Variants in PLEKHG1 observed in about 807,000 individuals in gnomAD.
PLEKHG1 encodes pleckstrin homology and RhoGEF domain containing G1.
PLEKHG1 carries 44 observed loss-of-function variants against 100.8 expected under a neutral mutation model. That is an observed-to-expected ratio of 0.44 (90% CI 0.34 to 0.56). The LOEUF is 0.56. PLEKHG1 is among the 20% of genes least tolerant of loss of function. The pLI is 0.01. For missense variants in PLEKHG1, 1,545 were observed against 1,720.9 expected, an observed-to-expected ratio of 0.90 and a Z score of 1.81; for synonymous variants, 640 against 662.5, an observed-to-expected ratio of 0.97 and a Z score of 0.52.
chr6:150,795,591 G>A (rs1340666122), intron 4 of PLEKHG1, among the ~76,000 whole-genome samples: 2 of 151,160 alleles, frequency 1.3e-5, no homozygotes, highest in South Asian at 2.1e-4. Context: ...GCATGGTGGC[G>A]CATTCCTGTA....
intron 3 of PLEKHG1, among the ~76,000 whole-genome samples, chr6:150,676,133 T>G (rs17080089): frequency 0.12 from 17,910 of 152,228 alleles, 1,260 homozygotes; most frequent in African/African-American, 0.19. Context: ...ATGCACATAT[T>G]TATTGATATG....
At chr6:150,763,645 T>C (rs1227463617) in intron 2 of PLEKHG1, among the ~76,000 whole-genome samples, 4 of 152,140 alleles carry the variant, frequency 2.6e-5, no homozygotes, top group Non-Finnish European at 4.4e-5. Context: ...GAGCTGGCCC[T>C]GGCTTGGTTT....
chr6:150,671,070 G>C (rs1425942684), intron 3 of PLEKHG1, among the ~76,000 whole-genome samples: 1 of 145,972 alleles, frequency 6.9e-6, no homozygotes, highest in African/African-American at 2.6e-5. Context: ...TCCTTTTTAT[G>C]GTTACATAGT....
chr6:150,679,258 G>A lies in PLEKHG1; in HGVS notation c.-99+28472G>A, dbSNP rs182931337. On this transcript the variant is annotated intron_variant, in intron 3 of 3. Transcript: ENST00000367326. The stretch of plus-strand genomic sequence containing the variant: ...ATAATAGCTTTTAATATAATTTAAC[G>A]TAAGTTGTAATCATATAATAAATAT... Among the ~76,000 whole-genome samples, 446 of 152,198 alleles carry A rather than the reference G, an allele frequency of 2.9e-3. 3 individuals carry two copies. Among genetic ancestry groups the A allele is most frequent in the Non-Finnish European group, 9.9e-4 (67 of 68,014 alleles).
intron 3 of PLEKHG1, among the ~76,000 whole-genome samples, chr6:150,655,346 G>T (rs527360674): frequency 3.9e-5 from 6 of 152,064 alleles, no homozygotes; most frequent in Admixed American, 3.9e-4. Flanking sequence ...TATTTATTGC[G>T]GCACTGCTCA....
chr6:150,747,562 C>T (rs772994456), intron 2 of PLEKHG1, among the ~76,000 whole-genome samples: 2 of 152,060 alleles, frequency 1.3e-5, no homozygotes, highest in Non-Finnish European at 2.9e-5. Context: ...TTTTTAAATC[C>T]GTTTTTTAAA....
chr6:150,826,917 G>A (rs551397083), intron 14 of PLEKHG1, among the ~76,000 whole-genome samples: 73 of 150,576 alleles, frequency 4.8e-4, no homozygotes, highest in Middle Eastern at 3.2e-3. Flanking sequence ...GGGATTACAG[G>A]TGTGTATCAC....
intron 15 of PLEKHG1, among the ~76,000 whole-genome samples, chr6:150,837,664 A>C (rs1351489476): frequency 6.6e-6 from 1 of 152,248 alleles, no homozygotes; most frequent in Admixed American, 6.5e-5. Flanking sequence ...GCTTGAGCAG[A>C]CCATCTGCCT....
chr6:150,772,653 C>G (rs1440445134), intron 3 of PLEKHG1, among the ~76,000 whole-genome samples: 2 of 152,216 alleles, frequency 1.3e-5, no homozygotes, highest in East Asian at 1.9e-4. Flanking sequence ...CTATTTCAAA[C>G]ATGGCATACA....
chr6:150,748,598 C>T (rs1404652265), intron 2 of PLEKHG1, among the ~76,000 whole-genome samples: 1 of 148,474 alleles, frequency 6.7e-6, no homozygotes, highest in Non-Finnish European at 1.5e-5. Flanking sequence ...TCCTGGCTCT[C>T]ACTTACTACC....
chr6:150,647,668 A>G (rs1189804354), intron 2 of PLEKHG1, among the ~76,000 whole-genome samples: 1 of 152,154 alleles, frequency 6.6e-6, no homozygotes, highest in South Asian at 2.1e-4. Context: ...GCTATTTTTA[A>G]CACTTCCCCA....
At chr6:150,840,032 T>C (rs1300594954) in exon 16 of PLEKHG1, 1 of 1,614,118 alleles carries the variant, frequency 6.2e-7, no homozygotes. Context: ...CAGATTTCTG[T>C]CTCCCACCAG....
At chr6:150,692,643 A>G (rs1301061306) in intron 3 of PLEKHG1, among the ~76,000 whole-genome samples, 1 of 151,840 alleles carries the variant, frequency 6.6e-6, no homozygotes, top group African/African-American at 2.4e-5. Context: ...TATCAGAGGG[A>G]AAAAAATGCT....
chr6:150,716,333 G>A (rs949894839), upstream of PLEKHG1, among the ~76,000 whole-genome samples: 14 of 152,140 alleles, frequency 9.2e-5, no homozygotes, highest in Admixed American at 3.3e-4. Context: ...TACGCTCCTT[G>A]TGTAAAATAC....
chr6:150,822,489 C>G (rs1776362696), intron 13 of PLEKHG1, among the ~76,000 whole-genome samples: 2 of 152,270 alleles, frequency 1.3e-5, no homozygotes, highest in Middle Eastern at 3.4e-3. Flanking sequence ...GGAGTTTGTT[C>G]TTTGCAGTAT....
chr6:150,732,868 G>T (rs560560780), intron 1 of PLEKHG1, among the ~76,000 whole-genome samples: 2 of 152,206 alleles, frequency 1.3e-5, no homozygotes, highest in Admixed American at 1.3e-4. Flanking sequence ...ATTTACAGGC[G>T]TGAGCCACCA....
rs145057438 is a variant in PLEKHG1, at chr6:150,612,051, C to T, written c.-204+12034C>T. Among the ~76,000 whole-genome samples the T allele has an allele frequency of 3.7e-5, 4 of 109,356 alleles. 1 individual carries two copies. The highest frequency in any genetic ancestry group is 6.6e-5 in the African/African-American group (2 of 30,520). The allele number at this position is 109,356 out of a possible 152,430, so 71.7% of individuals were successfully genotyped here. On this transcript the variant is annotated intron_variant, in intron 1 of 3. Transcript: ENST00000367326. Reference sequence around the variant, plus strand: ...TTCAGCTTCCTGGTGTTGTTCCCCCCCCCCCCCCCTTTTCTAGTTCTTAGT... The same window carrying T: ...TTCAGCTTCCTGGTGTTGTTCCCCCTCCCCCCCCCTTTTCTAGTTCTTAGT...
chr6:150,826,799 C>A (rs566558094), intron 14 of PLEKHG1, among the ~76,000 whole-genome samples: 1 of 152,002 alleles, frequency 6.6e-6, no homozygotes, highest in African/African-American at 2.4e-5. Flanking sequence ...TGCGCCACCA[C>A]GCCCGGCTAA....
At chr6:150,615,771 T>A (rs1777051624) in intron 1 of PLEKHG1, among the ~76,000 whole-genome samples, 2 of 152,180 alleles carry the variant, frequency 1.3e-5, no homozygotes, top group African/African-American at 2.4e-5. Flanking sequence ...TAGGAAGCTT[T>A]ACCTATGGTT....
Sources: allele counts gnomAD v4.1 joint callset (sites outside exome capture counted in the v4.1 genomes callset), GRCh38; gene constraint gnomAD v4.1.1; transcripts MANE v1.5; gene names NCBI Gene and HGNC (gene_info 2026-07-23, HGNC 2026-07-21).